The following VEPH1 variants were observed in gnomAD, a reference collection of about 807,000 sequenced individuals.
VEPH1 encodes ventricular zone-expressed PH domain-containing protein homolog 1.
In VEPH1, 80 loss-of-function variants were observed where a neutral mutation model predicts 85.2. That is an observed-to-expected ratio of 0.94 (90% CI 0.78 to 1.13). The LOEUF is 1.13. Among genes scored for constraint, VEPH1 ranks in the 50% most tolerant of loss-of-function variants. The pLI is 0.00. For missense variants in VEPH1, 955 were observed against 980.5 expected (o/e 0.97, Z 0.35); for synonymous variants, 297 against 348.0 (o/e 0.85, Z 1.63).
rs889014565 is a variant in VEPH1 at position 157,468,931 on chromosome 3, T to A, written c.354+1383A>T. On this transcript the variant is annotated intron_variant, in intron 3 of 13. Coordinates refer to ENST00000362010, the MANE Select transcript of VEPH1 (RefSeq NM_001167912.2). ...TTTAAAATTACATATTTGACTTCTG[T>A]TTGTGGCTTGCATTAGATTTCTATT... 2.6e-5 allele frequency among the ~76,000 whole-genome samples: 4 copies of A among 152,290 alleles called. No individual in the cohort carries two copies. The East Asian group carries it at 7.7e-4, about 29-fold the overall frequency.
At chr3:157,414,696 GAAATTTATCTGAGA>G (rs1456609679) in intron 5 of VEPH1, among the ~76,000 whole-genome samples, 1 of 152,038 alleles carries the variant, frequency 6.6e-6, no homozygotes, top group Non-Finnish European at 1.5e-5. Flanking sequence ...ATGTAAAGGT[GAAATTTATCTGAGA>G]AAATGGAATT....
chr3:157,447,858 G>A (rs1327205291), intron 4 of VEPH1, among the ~76,000 whole-genome samples: 1 of 152,066 alleles, frequency 6.6e-6, no homozygotes, highest in African/African-American at 2.4e-5. Flanking sequence ...GCCTCCCAAA[G>A]TGCTGGAATT....
chr3:157,491,905 A>G (rs180763581), intron 2 of VEPH1, among the ~76,000 whole-genome samples: 1 of 152,332 alleles, frequency 6.6e-6, no homozygotes, highest in Admixed American at 6.5e-5. Context: ...TAGTATTAGT[A>G]GTTGTTCTAA....
chr3:157,389,644 TA>T (rs1411469753), intron 6 of VEPH1, among the ~76,000 whole-genome samples: 1 of 132,416 alleles, frequency 7.6e-6, no homozygotes, highest in Admixed American at 7.2e-5. Context: ...GATAGATAGA[TA>T]GATAGATAGA....
intron 6 of VEPH1, among the ~76,000 whole-genome samples, chr3:157,409,163 G>A (rs1289011622): frequency 2.6e-5 from 4 of 152,076 alleles, no homozygotes; most frequent in African/African-American, 4.8e-5. Context: ...GTTGTTTGGG[G>A]AATGAACCCT....
chr3:157,472,848 G>C (rs570828618), intron 2 of VEPH1, among the ~76,000 whole-genome samples: 1 of 152,020 alleles, frequency 6.6e-6, no homozygotes, highest in East Asian at 1.9e-4. Context: ...ACATGATCTT[G>C]CTCTTTTTTA....
At chr3:157,325,316 T>C (rs1721778499) in intron 9 of VEPH1, among the ~76,000 whole-genome samples, 1 of 152,234 alleles carries the variant, frequency 6.6e-6, no homozygotes, top group Admixed American at 6.5e-5. Flanking sequence ...GATAGTTTCT[T>C]TTACTGTGCA....
intron 9 of VEPH1, among the ~76,000 whole-genome samples, chr3:157,334,038 G>A (rs924515): frequency 0.24 from 36,338 of 152,028 alleles, 4,878 homozygotes; most frequent in South Asian, 0.34. Context: ...CGATATGTTG[G>A]TGCAGGGTAT....
At chr3:157,493,050 C>T in intron 2 of VEPH1, 1 of 296,364 alleles carries the variant, frequency 3.4e-6, no homozygotes, top group Non-Finnish European at 6.7e-6. Context: ...CTTCTCTCCC[C>T]CACCACTGAT....
chr3:157,368,057 A>G (rs1726928570), intron 7 of VEPH1, among the ~76,000 whole-genome samples: 1 of 152,226 alleles, frequency 6.6e-6, no homozygotes. Context: ...TACTCTTTAT[A>G]TCAGTTTCAC....
intron 2 of VEPH1, among the ~76,000 whole-genome samples, chr3:157,486,280 G>A (rs1359531310): frequency 2.0e-5 from 3 of 151,838 alleles, no homozygotes; most frequent in Admixed American, 6.6e-5. Flanking sequence ...GGTGGATCAC[G>A]AGGTCAGGAG....
At chr3:157,402,601 T>C (rs115126342) in intron 6 of VEPH1, among the ~76,000 whole-genome samples, 2,889 of 152,272 alleles carry the variant, frequency 0.019, 88 homozygotes, top group African/African-American at 0.066. Flanking sequence ...TCTGAGTGAA[T>C]TGTTAGATGT....
intron 9 of VEPH1, among the ~76,000 whole-genome samples, chr3:157,334,583 G>A (rs982301172): frequency 9.2e-5 from 14 of 152,310 alleles, no homozygotes; most frequent in South Asian, 6.2e-4. Context: ...CAAATACTCT[G>A]AGGACTTACC....
At chr3:157,479,644 G>T (rs1318340926) in intron 2 of VEPH1, among the ~76,000 whole-genome samples, 4 of 152,180 alleles carry the variant, frequency 2.6e-5, no homozygotes, top group Non-Finnish European at 2.9e-5. Context: ...TTCCTTTAGA[G>T]GCTGCATAGC....
chr3:157,394,310 A>G (rs1730165209), intron 6 of VEPH1, among the ~76,000 whole-genome samples: 2 of 152,242 alleles, frequency 1.3e-5, no homozygotes, highest in Non-Finnish European at 2.9e-5. Flanking sequence ...TGAGAAGGCA[A>G]GTGCAATAAT....
chr3:157,459,291 G>A (rs1239962960), intron 4 of VEPH1, among the ~76,000 whole-genome samples: 2 of 152,214 alleles, frequency 1.3e-5, no homozygotes, highest in Admixed American at 6.5e-5. Context: ...TGCTATGCCA[G>A]GAAGCATGGA....
intron 4 of VEPH1, chr3:157,442,786 G>C (rs770857279): frequency 1.2e-6 from 2 of 1,614,254 alleles, no homozygotes; most frequent in Admixed American, 1.7e-5. Flanking sequence ...AATGGCTGCT[G>C]TGTGGGTGGT....
chr3:157,332,404 C>T (rs988625747), intron 9 of VEPH1, among the ~76,000 whole-genome samples: 3 of 152,152 alleles, frequency 2.0e-5, no homozygotes, highest in African/African-American at 7.2e-5. Flanking sequence ...CATTTCCCCT[C>T]CTCCTAGCTC....
intron 11 of VEPH1, among the ~76,000 whole-genome samples, chr3:157,308,186 T>C (rs1719724096): frequency 8.9e-6 from 1 of 112,932 alleles, no homozygotes; most frequent in Non-Finnish European, 2.2e-5. Flanking sequence ...CTCTTTCTGG[T>C]TTATTCTTTT....
Sources: gnomAD v4.1 joint callset for allele counts (sites outside exome capture counted in the v4.1 genomes callset) on GRCh38, gnomAD v4.1.1 for gene constraint, MANE v1.5 for transcripts, NCBI Gene and HGNC (gene_info 2026-07-23, HGNC 2026-07-21) for gene names.